TMEM217B: variants seen among roughly 807,000 people sequenced by gnomAD.
TMEM217B encodes the protein putative transmembrane protein 217B.
chr6:37,228,820 A>AC, the TMEM217B span, among the ~76,000 whole-genome samples: 1 of 150,968 alleles, frequency 6.6e-6, no homozygotes, highest in East Asian at 1.9e-4. Context: ...ACACGGTGAA[A>AC]CCCCGTCTCT....
chr6:37,224,534 C>T, the TMEM217B span, among the ~76,000 whole-genome samples: 1 of 151,668 alleles, frequency 6.6e-6, no homozygotes. Flanking sequence ...GGAGGCAGAG[C>T]TTGCAGTGAG....
the TMEM217B span, among the ~76,000 whole-genome samples, chr6:37,221,295 T>C: frequency 6.6e-6 from 1 of 151,884 alleles, no homozygotes; most frequent in Non-Finnish European, 1.5e-5. Flanking sequence ...CAAGCGATTC[T>C]CGTGCCTCAG....
At chr6:37,245,859 G>T in the TMEM217B span, among the ~76,000 whole-genome samples, 5 of 151,314 alleles carry the variant, frequency 3.3e-5, no homozygotes, top group Non-Finnish European at 1.5e-5. Flanking sequence ...GAGTGCAATG[G>T]CGCAATTTTG....
chr6:37,251,316 A>G, the TMEM217B span, among the ~76,000 whole-genome samples: 7 of 152,384 alleles, frequency 4.6e-5, no homozygotes, highest in Admixed American at 1.3e-4. Flanking sequence ...CTGACCTATG[A>G]TATTTTGTTA....
the TMEM217B span, among the ~76,000 whole-genome samples, chr6:37,220,889 A>C: frequency 2.0e-5 from 3 of 152,004 alleles, no homozygotes; most frequent in African/African-American, 7.2e-5. Context: ...CATTATTTAA[A>C]ATTTTTGTTT....
chr6:37,238,165 C>T, the TMEM217B span, among the ~76,000 whole-genome samples: 2 of 46,864 alleles, frequency 4.3e-5, no homozygotes, highest in Admixed American at 6.4e-4. Flanking sequence ...ATTAAAAACA[C>T]TGAAAAAAAA....
chr6:37,221,411 T>C, the TMEM217B span, among the ~76,000 whole-genome samples: 3 of 152,142 alleles, frequency 2.0e-5, no homozygotes, highest in Non-Finnish European at 4.4e-5. Flanking sequence ...GGTCTCAAAC[T>C]CCTGACCTCA....
chr6:37,245,086 C>A, the TMEM217B span, among the ~76,000 whole-genome samples: 1 of 152,294 alleles, frequency 6.6e-6, no homozygotes, highest in Non-Finnish European at 1.5e-5. Context: ...ACTAACATCC[C>A]ATTGACCAAA....
chr6:37,239,477 AAAATAAAT>A, the TMEM217B span, among the ~76,000 whole-genome samples: 42 of 150,008 alleles, frequency 2.8e-4, no homozygotes, highest in East Asian at 9.9e-4. Flanking sequence ...TCTGTCTTAA[AAAATAAAT>A]AAATAAATAA....
At chr6:37,218,587 G>A in the TMEM217B span, 1 of 1,614,172 alleles carries the variant, frequency 6.2e-7, no homozygotes. Context: ...TGTGGGCATA[G>A]TTGATGACAA....
the TMEM217B span, among the ~76,000 whole-genome samples, chr6:37,242,432 C>A: frequency 2.0e-5 from 3 of 152,198 alleles, no homozygotes; most frequent in African/African-American, 7.2e-5. Context: ...CTTTTCTTTG[C>A]CTTTAAGAGC....
chr6:37,222,880 TGGAGTGACAGCC>T, the TMEM217B span, among the ~76,000 whole-genome samples: 9 of 152,214 alleles, frequency 5.9e-5, no homozygotes, highest in African/African-American at 2.2e-4. Flanking sequence ...CTGCTGCAGC[TGGAGTGACAGCC>T]GGAGTGATGG....
the TMEM217B span, chr6:37,218,559 T>C: frequency 2.5e-6 from 4 of 1,614,174 alleles, no homozygotes; most frequent in Non-Finnish European, 3.4e-6. Context: ...TTGCCCTGGC[T>C]CCGGTTTTTG....
At chr6:37,225,773 C>T in the TMEM217B span, among the ~76,000 whole-genome samples, 1 of 152,330 alleles carries the variant, frequency 6.6e-6, no homozygotes, top group African/African-American at 2.4e-5. Context: ...TTCCCAGCTT[C>T]CCTTGCTGAT....
the TMEM217B span, among the ~76,000 whole-genome samples, chr6:37,219,478 T>A: frequency 2.0e-5 from 3 of 152,188 alleles, no homozygotes; most frequent in South Asian, 6.2e-4. Context: ...CAGTGGCTCA[T>A]GCCTGTAATC....
the TMEM217B span, among the ~76,000 whole-genome samples, chr6:37,224,625 C>T: frequency 7.4e-6 from 1 of 135,894 alleles, no homozygotes. Context: ...GAAAAAAAAA[C>T]CTTTTATTTT....
the TMEM217B span, among the ~76,000 whole-genome samples, chr6:37,226,650 C>T: frequency 6.6e-6 from 1 of 152,120 alleles, no homozygotes; most frequent in Non-Finnish European, 1.5e-5. Flanking sequence ...ACGATCTCGC[C>T]TCCCAGGTTA....
chr6:37,246,240 A>C, the TMEM217B span, among the ~76,000 whole-genome samples: 1 of 152,212 alleles, frequency 6.6e-6, no homozygotes, highest in East Asian at 1.9e-4. Context: ...AGTGGCTTAA[A>C]ACCACAAGCA....
the TMEM217B span, among the ~76,000 whole-genome samples, chr6:37,252,015 T>A: frequency 6.6e-6 from 1 of 152,158 alleles, no homozygotes; most frequent in Non-Finnish European, 1.5e-5. Flanking sequence ...TGCCTCAGCC[T>A]CCCGAGTAGC....
Sources: allele counts gnomAD v4.1 joint callset (sites outside exome capture counted in the v4.1 genomes callset), GRCh38; gene constraint gnomAD v4.1.1; transcripts MANE v1.5; gene names NCBI Gene and HGNC (gene_info 2026-07-23, HGNC 2026-07-21).